The following PALD1 variants were observed in gnomAD, a reference collection of about 807,000 sequenced individuals.
PALD1 encodes the protein phosphatase domain containing paladin 1, also known as paladin.
In PALD1, 57 loss-of-function variants were observed where a neutral mutation model predicts 96.0. That is an observed-to-expected ratio of 0.59 (90% CI 0.48 to 0.74). The LOEUF is 0.74. PALD1 is among the 30% of genes least tolerant of loss of function. The pLI is 0.00. For missense variants in PALD1, 1,063 were observed against 1,143.7 expected, an observed-to-expected ratio of 0.93 and a Z score of 1.02; for synonymous variants, 464 against 473.6, an observed-to-expected ratio of 0.98 and a Z score of 0.26.
the PALD1 span, among the ~76,000 whole-genome samples, chr10:70,466,248 T>A: frequency 6.7e-6 from 1 of 149,396 alleles, no homozygotes; most frequent in Non-Finnish European, 1.5e-5. Context: ...CATTTTAACC[T>A]TTTTTTTTTC....
chr10:70,528,758 C>T lies in PALD1; in HGVS notation c.186-471C>T, dbSNP rs1357561670. On this transcript the variant is annotated intron_variant, in intron 2 of 19. Transcript: ENST00000263563. ...GACATCCAGGCTGGGATGGCTGCTC[C>T]GTGATCATCCAGGCCCCTTCTCCCT... Among the ~76,000 whole-genome samples the T allele has an allele frequency of 3.9e-5, 6 of 152,338 alleles. No homozygotes were observed. In the South Asian group the frequency reaches 6.2e-4, roughly 16 times the overall value.
upstream of PALD1, among the ~76,000 whole-genome samples, chr10:70,475,775 G>A (rs1845814780): frequency 6.6e-6 from 1 of 152,096 alleles, no homozygotes; most frequent in Admixed American, 6.5e-5. Context: ...TCTCCCAAGA[G>A]CACCAGCACC....
intron 1 of PALD1, among the ~76,000 whole-genome samples, chr10:70,510,665 C>A (rs1172661400): frequency 6.6e-6 from 1 of 152,188 alleles, no homozygotes; most frequent in African/African-American, 2.4e-5. Flanking sequence ...CCAGGTAACA[C>A]CTTCTCGCTT....
chr10:70,530,598 G>T (rs550076128), intron 4 of PALD1, among the ~76,000 whole-genome samples: 1 of 152,166 alleles, frequency 6.6e-6, no homozygotes, highest in African/African-American at 2.4e-5. Flanking sequence ...TTACCTGTCG[G>T]ATGTTGAGGC....
At chr10:70,505,370 C>T (rs1038207505) in intron 1 of PALD1, among the ~76,000 whole-genome samples, 1 of 151,930 alleles carries the variant, frequency 6.6e-6, no homozygotes, top group African/African-American at 2.4e-5. Flanking sequence ...CCGAGGGAGG[C>T]GGATCACCTG....
At chr10:70,563,021 A>G (rs1477318741) in intron 18 of PALD1, among the ~76,000 whole-genome samples, 1 of 152,192 alleles carries the variant, frequency 6.6e-6, no homozygotes, top group Non-Finnish European at 1.5e-5. Flanking sequence ...TACTGAAGCC[A>G]TAACGTGTAA....
the PALD1 span, among the ~76,000 whole-genome samples, chr10:70,470,967 A>G: frequency 1.3e-5 from 2 of 151,150 alleles, no homozygotes; most frequent in South Asian, 4.2e-4. Flanking sequence ...ACACCTGGCT[A>G]ATTTAGTTTT....
intron 18 of PALD1, among the ~76,000 whole-genome samples, chr10:70,551,251 C>T (rs1847471543): frequency 6.6e-6 from 1 of 152,222 alleles, no homozygotes. Flanking sequence ...GCAGCTGGGT[C>T]TCACCTGTGG....
rs146946479 is a variant in PALD1, at chr10:70,564,384, G to A, written c.2283G>A (p.Ala761=). Residue 761 remains alanine, a synonymous_variant, in exon 19 of 20, where the codon GCG becomes GCA. Coordinates refer to ENST00000263563, the MANE Select transcript of PALD1 (RefSeq NM_014431.3). The part of the protein sequence containing the change: ...TYRQAKAAKE[A]QEMRRLQLRS... ...TCCAGGCGAAGGCAGCGAAAGAGGC[G>A]CAAGAAATGCGGAGGCTGCAGCTGC... 29 of 1,613,766 alleles carry A rather than the reference G, an allele frequency of 1.8e-5. No homozygotes were observed. The highest frequency in any genetic ancestry group is 1.4e-4 in the South Asian group (13 of 91,054).
the PALD1 span, among the ~76,000 whole-genome samples, chr10:70,468,701 ACT>A: frequency 4.0e-5 from 4 of 101,150 alleles, no homozygotes; most frequent in Non-Finnish European, 5.9e-5. Context: ...ATGAGGCAGG[ACT>A]GTGTGTGTGT....
chr10:70,529,352 G>T (rs1416982671), intron 3 of PALD1, 21 bp downstream of exon 3: 1 of 1,245,270 alleles, frequency 8.0e-7, no homozygotes, highest in South Asian at 1.3e-5. Flanking sequence ...GCCTTACCCT[G>T]CCAGCCCGCC....
intron 18 of PALD1, among the ~76,000 whole-genome samples, chr10:70,553,659 G>T (rs529601413): frequency 1.2e-4 from 18 of 152,352 alleles, no homozygotes; most frequent in African/African-American, 3.8e-4. Flanking sequence ...CACTGAGCTT[G>T]CCCAAGAACA....
the PALD1 span, among the ~76,000 whole-genome samples, chr10:70,468,299 A>G: frequency 2.0e-5 from 3 of 152,024 alleles, no homozygotes; most frequent in Admixed American, 2.0e-4. Flanking sequence ...GCTGGAGTGC[A>G]ATGGCGCGAT....
chr10:70,477,625 G>A (rs1296405986), upstream of PALD1, among the ~76,000 whole-genome samples: 1 of 152,178 alleles, frequency 6.6e-6, no homozygotes, highest in African/African-American at 2.4e-5. Flanking sequence ...CTAGGTGCTA[G>A]GGACATGGTG....
rs74694405 is a variant in PALD1, at chr10:70,566,231, T to G, written c.2419-350T>G. On this transcript the variant is annotated intron_variant, in intron 19 of 19. Transcript: ENST00000263563. Reference sequence around the variant, plus strand: ...AGCCTTACCTGCCCCTGCATCCACGTTCTTCCTCCAGCCCTCCCTTTAGGC... The same window carrying G: ...AGCCTTACCTGCCCCTGCATCCACGGTCTTCCTCCAGCCCTCCCTTTAGGC... Among the ~76,000 whole-genome samples, 1,114 of 152,284 alleles carry G rather than the reference T, an allele frequency of 7.3e-3. 13 individuals carry two copies. Among genetic ancestry groups the G allele is most frequent in the African/African-American group, 0.025 (1,042 of 41,562 alleles).
In PALD1 at chr10:70,535,514, C is replaced by T. The variant is rs112638022; in HGVS notation, c.1227+671C>T. Among the ~76,000 whole-genome samples the T allele has an allele frequency of 4.4e-3, 586 of 132,234 alleles. 3 individuals are homozygous for T. Among genetic ancestry groups the T allele is most frequent in the African/African-American group, 0.015 (532 of 35,466 alleles). The allele number at this position is 132,234 out of a possible 152,430, so 86.8% of individuals were successfully genotyped here. On this transcript the variant is annotated intron_variant, in intron 10 of 19. Coordinates refer to ENST00000263563, the MANE Select transcript of PALD1 (RefSeq NM_014431.3). ...CCTTCTCCCTCTCTTCCTCTTTCTC[C>T]GCCTCTTCCTCCTTCCTCCTCTTCT...
rs569205778 is a variant in PALD1, at chr10:70,509,043, G to GC, written c.-29-16877dup. 3.1e-4 allele frequency among the ~76,000 whole-genome samples: 47 copies of GC among 152,316 alleles called. 2 individuals carry two copies. In the South Asian group the frequency reaches 9.5e-3, roughly 31 times the overall value. On this transcript the variant is annotated intron_variant, in intron 1 of 19. Coordinates refer to ENST00000263563, the MANE Select transcript of PALD1 (RefSeq NM_014431.3). Reference sequence around the variant, plus strand: ...GATGTTTCCTCCAGCTGGCCACTCGGCCCTCTGCCGTCCCCCAGAGTCGGG... The same window carrying GC: ...GATGTTTCCTCCAGCTGGCCACTCGGCCCCTCTGCCGTCCCCCAGAGTCGGG...
chr10:70,482,331 T>C (rs987181273), intron 1 of PALD1, among the ~76,000 whole-genome samples: 5 of 152,208 alleles, frequency 3.3e-5, no homozygotes, highest in Admixed American at 6.6e-5. Flanking sequence ...AGCCAGTGTT[T>C]GCTAAGAATA....
chr10:70,513,988 C>T (rs75836314), intron 1 of PALD1, among the ~76,000 whole-genome samples: 2,306 of 152,334 alleles, frequency 0.015, 32 homozygotes, highest in Non-Finnish European at 0.024. Flanking sequence ...GGAGGCTTCC[C>T]CCTGCTCTCT....
Sources: allele counts gnomAD v4.1 joint callset (sites outside exome capture counted in the v4.1 genomes callset), GRCh38; gene constraint gnomAD v4.1.1; transcripts MANE v1.5; gene names NCBI Gene and HGNC (gene_info 2026-07-23, HGNC 2026-07-21).